LRRC37A3: variants seen among roughly 807,000 people sequenced by gnomAD.
LRRC37A3 encodes leucine rich repeat containing 37 member A3.
LRRC37A3 carries 25 observed loss-of-function variants against 106.2 expected under a neutral mutation model. The observed-to-expected ratio is 0.24, with a 90% CI of 0.17 to 0.33. The LOEUF is 0.33. LRRC37A3 is among the 10% of genes least tolerant of loss of function. The pLI is 1.00. For synonymous variants in LRRC37A3, 305 were observed against 635.8 expected (o/e 0.48, Z 7.83); for missense variants, 712 against 1,644.9 (o/e 0.43, Z 9.81).
At chr17:64,914,970 C>CG (rs1415377818) in intron 2 of LRRC37A3, among the ~76,000 whole-genome samples, 1 of 151,360 alleles carries the variant, frequency 6.6e-6, no homozygotes, top group East Asian at 1.9e-4. Flanking sequence ...TGATGGTTAC[C>CG]GGGGGCTGGG....
chr17:64,867,235 G>GC (rs1388467109), intron 10 of LRRC37A3, among the ~76,000 whole-genome samples: 1 of 147,552 alleles, frequency 6.8e-6, no homozygotes, highest in Non-Finnish European at 1.5e-5. Context: ...CCACTCTGTC[G>GC]CCCAGGTTAG....
intron 8 of LRRC37A3, among the ~76,000 whole-genome samples, chr17:64,875,733 G>A (rs1318724121): frequency 1.3e-5 from 2 of 151,674 alleles, no homozygotes; most frequent in South Asian, 2.1e-4. Context: ...AGGTTGCGGC[G>A]AGTAAAGATT....
intron 6 of LRRC37A3, among the ~76,000 whole-genome samples, chr17:64,887,236 G>A (rs1217426608): frequency 1.2e-4 from 1 of 8,662 alleles, no homozygotes. Flanking sequence ...CGGGCCGGGT[G>A]CGGTGGCTCA....
intron 10 of LRRC37A3, among the ~76,000 whole-genome samples, chr17:64,863,821 T>C (rs1259060514): frequency 6.6e-6 from 1 of 152,120 alleles, no homozygotes; most frequent in Non-Finnish European, 1.5e-5. Context: ...TTATTATTTT[T>C]TATTTTTATT....
chr17:64,912,741 A>T, intron 2 of LRRC37A3, among the ~76,000 whole-genome samples: 1 of 147,952 alleles, frequency 6.8e-6, no homozygotes, highest in Non-Finnish European at 1.5e-5. Flanking sequence ...AAAAAACAAG[A>T]AACCATTTGA....
rs367887540 is a variant in LRRC37A3, at chr17:64,860,405, C to A, written c.3741G>T (p.Val1247=). 4.0e-5 allele frequency: 65 copies of A among 1,613,814 alleles called. No individual in the cohort carries two copies. The highest frequency in any genetic ancestry group is 5.3e-5 in the Non-Finnish European group (63 of 1,179,870). Residue 1247 remains valine, a synonymous_variant, in exon 12 of 15, where the codon GTG becomes GTT. Coordinates refer to ENST00000584306, the MANE Select transcript of LRRC37A3 (RefSeq NM_199340.5). ...GCGCGCCCTTGGAGAAGGGTTTCAG[C>A]ACAGAGACTGCTGCCTTATGCTCTT... ...FTQEHKAAVS[V]LKPFSKGAPS...
intron 8 of LRRC37A3, among the ~76,000 whole-genome samples, chr17:64,872,549 G>A (rs1169837459): frequency 6.6e-6 from 1 of 152,210 alleles, no homozygotes; most frequent in African/African-American, 2.4e-5. Context: ...AAGCTGTCTA[G>A]TGCTAAAGCC....
At chr17:64,870,383 C>T (rs1165546585) in intron 8 of LRRC37A3, among the ~76,000 whole-genome samples, 6 of 151,630 alleles carry the variant, frequency 4.0e-5, no homozygotes, top group African/African-American at 1.5e-4. Flanking sequence ...ATTTTTATTC[C>T]AAAATGCTGG....
At chr17:64,877,295 G>A (rs1307891673) in intron 8 of LRRC37A3, among the ~76,000 whole-genome samples, 5 of 151,596 alleles carry the variant, frequency 3.3e-5, no homozygotes, top group East Asian at 1.9e-4. Context: ...TCCACCTCCC[G>A]GGTTCAAGTG....
At chr17:64,912,583 C>T (rs1042131073) in intron 2 of LRRC37A3, among the ~76,000 whole-genome samples, 5 of 151,466 alleles carry the variant, frequency 3.3e-5, no homozygotes, top group South Asian at 2.1e-4. Flanking sequence ...AAAAAAGAAA[C>T]AGAAGAAACC....
In LRRC37A3 at chr17:64,860,432, G is replaced by C; in HGVS notation, c.3714C>G (p.Thr1238=). 6.2e-7 allele frequency: 1 copy of C among 1,613,930 alleles called. No homozygotes were observed. Among genetic ancestry groups the C allele is most frequent in the Non-Finnish European group, 8.5e-7 (1 of 1,179,864 alleles). ...CAGAGACTGCTGCCTTATGCTCTTGGGTGAACGAAGGCTTGGTGTAGACGG... is the reference window on the plus strand; with the variant it reads ...CAGAGACTGCTGCCTTATGCTCTTGCGTGAACGAAGGCTTGGTGTAGACGG... The part of the protein sequence containing the change: ...GNAVYTKPSF[T]QEHKAAVSVL... The change falls in exon 12 of 15, where the codon ACC becomes ACG. Residue 1238 remains threonine, a synonymous_variant. Transcript: ENST00000584306.
chr17:64,854,539 A>G lies in LRRC37A3; in HGVS notation c.*60T>C, dbSNP rs549067166. The stretch of plus-strand genomic sequence containing the variant: ...CGCTGGCTTCAGTCCTGCTTTTTTG[A>G]TGGCCGTTGTTTACGCTATGTATTT... On this transcript the variant is annotated 3_prime_UTR_variant, in exon 15 of 15. Transcript: ENST00000584306. 6.2e-7 allele frequency: 1 copy of G among 1,612,262 alleles called. No individual in the cohort carries two copies. The highest frequency in any genetic ancestry group is 8.5e-7 in the Non-Finnish European group (1 of 1,178,898).
intron 13 of LRRC37A3, among the ~76,000 whole-genome samples, chr17:64,856,214 G>T (rs1972674702): frequency 6.6e-6 from 1 of 152,040 alleles, no homozygotes; most frequent in Admixed American, 6.6e-5. Context: ...CGACAGGATT[G>T]CCCTCTGTTG....
chr17:64,880,022 T>G (rs1042355463), intron 8 of LRRC37A3, among the ~76,000 whole-genome samples: 1 of 152,098 alleles, frequency 6.6e-6, no homozygotes, highest in African/African-American at 2.4e-5. Context: ...TCTTGATAGC[T>G]CATCCATAGC....
intron 2 of LRRC37A3, among the ~76,000 whole-genome samples, chr17:64,915,851 A>C (rs1974690348): frequency 1.3e-5 from 2 of 152,216 alleles, no homozygotes; most frequent in East Asian, 3.9e-4. Context: ...TAATCCCAGC[A>C]CTTTGGGAGG....
chr17:64,918,202 T>C (rs1322812060), intron 2 of LRRC37A3, among the ~76,000 whole-genome samples: 1 of 151,414 alleles, frequency 6.6e-6, no homozygotes, highest in Admixed American at 6.6e-5. Context: ...AAAAAAAAAC[T>C]TAAACAGAAA....
chr17:64,874,474 G>A (rs1341234464), intron 8 of LRRC37A3, among the ~76,000 whole-genome samples: 3 of 150,054 alleles, frequency 2.0e-5, no homozygotes, highest in Non-Finnish European at 4.5e-5. Context: ...CCGGGAGGGA[G>A]GTGGGGGCCA....
In LRRC37A3 at chr17:64,863,026, T is replaced by C; in HGVS notation, c.3054-8A>G. 1 of 1,597,688 alleles carries C rather than the reference T, an allele frequency of 6.3e-7. No individual in the cohort carries two copies. Among genetic ancestry groups the C allele is most frequent in the Non-Finnish European group, 8.5e-7 (1 of 1,179,740 alleles). ...ATATGGCTAGGTACGATCCTATAGATGAAAACAGAGAGCAATAAATTAGCG... is the reference window on the plus strand; with the variant it reads ...ATATGGCTAGGTACGATCCTATAGACGAAAACAGAGAGCAATAAATTAGCG... On this transcript the variant is annotated splice_polypyrimidine_tract_variant and splice_region_variant and intron_variant, in intron 10 of 14. Transcript: ENST00000584306.
rs965017167 is a variant in LRRC37A3, at chr17:64,883,144, G to A, written c.2906+2942C>T. ...CAGTGAGGGGCTTTGATAGTTAGCC[G>A]CCTGGTCCTTCTTGCTTGGATGCCC... On this transcript the variant is annotated intron_variant, in intron 8 of 14. Transcript: ENST00000584306. 1.6e-4 allele frequency among the ~76,000 whole-genome samples: 25 copies of A among 152,280 alleles called. No individual in the cohort carries two copies. In the East Asian group the frequency reaches 3.3e-3, roughly 20 times the overall value.
Sources: allele counts gnomAD v4.1 joint callset (sites outside exome capture counted in the v4.1 genomes callset), GRCh38; gene constraint gnomAD v4.1.1; transcripts MANE v1.5; gene names NCBI Gene and HGNC (gene_info 2026-07-23, HGNC 2026-07-21).